The following B3GNT9 variants were observed in gnomAD, a reference collection of about 807,000 sequenced individuals.
The protein encoded by B3GNT9 is UDP-GlcNAc:betaGal beta-1,3-N-acetylglucosaminyltransferase 9, also known as BGnT-9.
For missense variants in B3GNT9, 669 were observed against 599.2 expected, an observed-to-expected ratio of 1.12 and a Z score of -1.22; for synonymous variants, 359 against 283.9, an observed-to-expected ratio of 1.26 and a Z score of -2.66.
In B3GNT9 at chr16:67,150,418, A is replaced by C; in HGVS notation, c.68T>G (p.Leu23Arg). The change falls in exon 2 of 2, where the codon CTC becomes CGC. Residue 23 changes from leucine to arginine, a missense_variant. Leu to Arg is a moderately radical substitution (Grantham distance 102). Transcript: ENST00000449549. ...LTLLLGASLG[L>R]LLYAQRDGAA... ...GCCGTCGCGCTGCGCATAGAGTAAGAGGCCCAGGGAGGCGCCAAGGAGCAG... is the reference window on the plus strand; with the variant it reads ...GCCGTCGCGCTGCGCATAGAGTAAGCGGCCCAGGGAGGCGCCAAGGAGCAG... The C allele has an allele frequency of 1.6e-5, 22 of 1,357,908 alleles. No individual in the cohort carries two copies. The highest frequency in any genetic ancestry group is 2.1e-5 in the Non-Finnish European group (22 of 1,058,322). 84.1% of individuals were successfully genotyped at this position (1,357,908 alleles called of 1,614,324 possible). A position where few individuals can be genotyped will look rare whatever the true frequency, so the allele number is the denominator to read the frequency against.
chr16:67,150,762 T>A, intron 1 of B3GNT9, 91 bp from the exon 2 acceptor site: 1 of 322,690 alleles, frequency 3.1e-6, no homozygotes, highest in Non-Finnish European at 5.6e-6. Context: ...GCAGGGAGAC[T>A]GGGAGCCTCG....
Position 67,149,684 on chromosome 16 carries a change from C to G in B3GNT9, c.802G>C (p.Ala268Pro), listed in dbSNP as rs556486093. 1.9e-6 allele frequency: 3 copies of G among 1,610,980 alleles called. No homozygotes were observed. The African/African-American group carries it at 4.0e-5, about 21-fold the overall frequency. Residue 268 changes from alanine to proline, a missense_variant, in exon 2 of 2, where the codon GCT becomes CCT. Transcript: ENST00000449549. Reference sequence around the variant, plus strand: ...GCCTCGGGGATGTAGTACTTGCTAGCCCGCGTGCGGATGGGCCGCGCATGC... The same window carrying G: ...GCCTCGGGGATGTAGTACTTGCTAGGCCGCGTGCGGATGGGCCGCGCATGC... Reference protein sequence around the residue: ...IVHARPIRTRASKYYIPEAVY... With the variant: ...IVHARPIRTRPSKYYIPEAVY...
Position 67,149,243 on chromosome 16 carries a change from G to C in B3GNT9, c.*34C>G. On this transcript the variant is annotated 3_prime_UTR_variant, in exon 2 of 2. Transcript: ENST00000449549. ...ATCTGGGAAACCGGCTCCATTCTGG[G>C]TCTGAGTTAGGAGCTTGGGGCTGTA... 6.6e-7 allele frequency: 1 copy of C among 1,509,132 alleles called. No homozygotes were observed. The highest frequency in any genetic ancestry group is 2.3e-5 in the Admixed American group (1 of 43,152). The allele number at this position is 1,509,132 out of a possible 1,614,324, so 93.5% of individuals were successfully genotyped here.
Position 67,149,796 on chromosome 16 carries a change from T to G in B3GNT9, c.690A>C (p.Ala230=), listed in dbSNP as rs754052433. Reference sequence around the variant, plus strand: ...GATTTCCCACGTTCACGAACACATCTGCGTCGCCCTTAAAAACGAAGCGCA... The same window carrying G: ...GATTTCCCACGTTCACGAACACATCGGCGTCGCCCTTAAAAACGAAGCGCA... ...PDVRFVFKGD[A]DVFVNVGNLL... is the part of the protein sequence containing the mutation. Residue 230 remains alanine, a synonymous_variant, in exon 2 of 2, where the codon GCA becomes GCC. Transcript: ENST00000449549. The G allele has an allele frequency of 2.5e-6, 4 of 1,613,858 alleles. No homozygotes were observed. The highest frequency in any genetic ancestry group is 1.1e-5 in the South Asian group (1 of 91,084).
At position 67,148,107 on chromosome 16, in the gene B3GNT9, T is replaced by C. The variant is rs2030257087; in HGVS notation, c.*1170A>G. 1 of 152,688 alleles carries C rather than the reference T, an allele frequency of 6.5e-6. No homozygotes were observed. The highest frequency in any genetic ancestry group is 2.4e-5 in the African/African-American group (1 of 41,468). The allele number at this position is 152,688 out of a possible 1,614,324, so 9.5% of individuals were successfully genotyped here. A position where few individuals can be genotyped will look rare whatever the true frequency, so the allele number is the denominator to read the frequency against. Reference sequence around the variant, plus strand: ...AAGAACTGAGAAGAAAAATGTATAATTTTATCCCATTTTTAATATTTTGGT... The same window carrying C: ...AAGAACTGAGAAGAAAAATGTATAACTTTATCCCATTTTTAATATTTTGGT... On this transcript the variant is annotated 3_prime_UTR_variant, in exon 2 of 2. Transcript: ENST00000449549.
chr16:67,149,802 G>C lies in B3GNT9; in HGVS notation c.684C>G (p.Gly228=), dbSNP rs1464673130. 2 of 1,613,890 alleles carry C rather than the reference G, an allele frequency of 1.2e-6. No homozygotes were observed. Among genetic ancestry groups the C allele is most frequent in the East Asian group, 2.2e-5 (1 of 44,872 alleles). Residue 228 remains glycine, a synonymous_variant, in exon 2 of 2, where the codon GGC becomes GGG. Coordinates refer to ENST00000449549, the MANE Select transcript of B3GNT9 (RefSeq NM_033309.3). The stretch of plus-strand genomic sequence containing the variant: ...CCACGTTCACGAACACATCTGCGTC[G>C]CCCTTAAAAACGAAGCGCACGTCGG... ...FCPDVRFVFK[G]DADVFVNVGN...
rs1255176670 is a variant in B3GNT9 at position 67,149,660 on chromosome 16, C to T, written c.826G>A (p.Ala276Thr). 3.7e-6 allele frequency: 6 copies of T among 1,605,024 alleles called. No homozygotes were observed. The highest frequency in any genetic ancestry group is 2.6e-6 in the Non-Finnish European group (3 of 1,176,022). The change falls in exon 2 of 2, where the codon GCC becomes ACC. Residue 276 changes from alanine to threonine, a missense_variant. Coordinates refer to ENST00000449549, the MANE Select transcript of B3GNT9 (RefSeq NM_033309.3). ...GGATAGGCGGGCAGGCCGTACACGG[C>T]CTCGGGGATGTAGTACTTGCTAGCC... ...TRASKYYIPE[A>T]VYGLPAYPAY...
Position 67,150,624 on chromosome 16 carries a change from G to C in B3GNT9, c.-139C>G. 2 of 644,584 alleles carry C rather than the reference G, an allele frequency of 3.1e-6. No homozygotes were observed. Among genetic ancestry groups the C allele is most frequent in the Non-Finnish European group, 4.4e-6 (2 of 450,588 alleles). The allele number at this position is 644,584 out of a possible 1,614,324, so 39.9% of individuals were successfully genotyped here. On this transcript the variant is annotated 5_prime_UTR_variant, in exon 2 of 2. Transcript: ENST00000449549. ...CCAGCGACCGACGGTTGAGCCCCTTGCGTTGTTCTCCTCCTCCCGGCCGTG... is the reference window on the plus strand; with the variant it reads ...CCAGCGACCGACGGTTGAGCCCCTTCCGTTGTTCTCCTCCTCCCGGCCGTG...
rs1045738981 is a variant in B3GNT9, at chr16:67,150,536, A to T, written c.-51T>A. On this transcript the variant is annotated 5_prime_UTR_variant, in exon 2 of 2. Coordinates refer to ENST00000449549, the MANE Select transcript of B3GNT9 (RefSeq NM_033309.3). ...CCCTGTAAGGGTCGCAGTCGGCAGC[A>T]GGGGGCAGCGAGCCCCGCCCTCCCC... 1.6e-6 allele frequency: 2 copies of T among 1,248,118 alleles called. No homozygotes were observed. Among genetic ancestry groups the T allele is most frequent in the Non-Finnish European group, 2.0e-6 (2 of 995,580 alleles). 77.3% of individuals were successfully genotyped at this position (1,248,118 alleles called of 1,614,324 possible).
chr16:67,150,454 G>A lies in B3GNT9; in HGVS notation c.32C>T (p.Ala11Val). Reference sequence around the variant, plus strand: ...GGCGCCAAGGAGCAGCGTGAGCAATGCGTCCCTGCGTAGGCGCAGCCTCCT... The same window carrying A: ...GGCGCCAAGGAGCAGCGTGAGCAATACGTCCCTGCGTAGGCGCAGCCTCCT... Reference protein sequence around the residue: MRRRLRLRRDALLTLLLGASL... With the variant: MRRRLRLRRDVLLTLLLGASL... Residue 11 changes from alanine to valine, a missense_variant, in exon 2 of 2, where the codon GCA becomes GTA. Coordinates refer to ENST00000449549, the MANE Select transcript of B3GNT9 (RefSeq NM_033309.3). 6.7e-6 allele frequency: 9 copies of A among 1,335,638 alleles called. No individual in the cohort carries two copies. The highest frequency in any genetic ancestry group is 8.6e-6 in the Non-Finnish European group (9 of 1,045,580). The allele number at this position is 1,335,638 out of a possible 1,614,324, so 82.7% of individuals were successfully genotyped here.
chr16:67,150,383 T>C lies in B3GNT9; in HGVS notation c.103A>G (p.Thr35Ala). ...CCTCGCCCTCGCGGCGCGCTCGCCG[T>C]CGGGGCCGCGCCGTCGCGCTGCGCA... ...LYAQRDGAAP[T>A]ASAPRGRGRA... is the part of the protein sequence containing the mutation. Residue 35 changes from threonine (T) to alanine (A), a missense_variant, in exon 2 of 2, where the codon ACG becomes GCG. Physicochemically the swap from Thr to Ala is moderately conservative, Grantham distance 58. Coordinates refer to ENST00000449549, the MANE Select transcript of B3GNT9 (RefSeq NM_033309.3). 7.4e-7 allele frequency: 1 copy of C among 1,346,380 alleles called. No homozygotes were observed. Among genetic ancestry groups the C allele is most frequent in the Non-Finnish European group, 9.5e-7 (1 of 1,050,090 alleles). The allele number at this position is 1,346,380 out of a possible 1,614,324, so 83.4% of individuals were successfully genotyped here. A position where few individuals can be genotyped will look rare whatever the true frequency, so the allele number is the denominator to read the frequency against.
Position 67,149,303 on chromosome 16 carries a change from C to T in B3GNT9, c.1183G>A (p.Ala395Thr). 2 of 1,560,468 alleles carry T rather than the reference C, an allele frequency of 1.3e-6. No homozygotes were observed. Among genetic ancestry groups the T allele is most frequent in the Non-Finnish European group, 1.7e-6 (2 of 1,152,010 alleles). The change falls in exon 2 of 2, where the codon GCA (alanine) becomes ACA (threonine). Residue 395 changes from alanine to threonine, a missense_variant. Ala to Thr is a moderately conservative substitution (Grantham distance 58). Transcript: ENST00000449549. Reference protein sequence around the residue: ...PACAHPQPVAAGPFQWDS With the variant: ...PACAHPQPVATGPFQWDS ...TAGGAGTCCCATTGGAAGGGGCCTG[C>T]AGCGACAGGCTGTGGATGCGCACAG...
rs568016100 is a variant in B3GNT9 at position 67,150,083 on chromosome 16, C to A, written c.403G>T (p.Val135Leu). The A allele has an allele frequency of 4.1e-6, 6 of 1,451,538 alleles. No homozygotes were observed. The highest frequency in any genetic ancestry group is 1.5e-5 in the African/African-American group (1 of 66,758). The allele number at this position is 1,451,538 out of a possible 1,614,324, so 89.9% of individuals were successfully genotyped here. A position where few individuals can be genotyped will look rare whatever the true frequency, so the allele number is the denominator to read the frequency against. The change falls in exon 2 of 2, where the codon GTG (valine) becomes TTG (leucine). Residue 135 changes from valine to leucine, a missense_variant. Transcript: ENST00000449549. Reference protein sequence around the residue: ...VAEDFERRQAVRQTWGAEGRV... With the variant: ...VAEDFERRQALRQTWGAEGRV... ...CCCTCCGCGCCCCACGTCTGGCGCA[C>A]GGCTTGGCGCCGCTCGAAGTCCTCT...
chr16:67,148,541 G>T lies in B3GNT9; in HGVS notation c.*736C>A, dbSNP rs569634173. On this transcript the variant is annotated 3_prime_UTR_variant, in exon 2 of 2. Transcript: ENST00000449549. ...CTGTTGCTGGGATGTTTGTATTAAG[G>T]TAAGTGTGGGTATTGGTTTTTTGAG... 1 of 152,156 alleles carries T rather than the reference G, an allele frequency of 6.6e-6. No individual in the cohort carries two copies. The highest frequency in any genetic ancestry group is 1.5e-5 in the Non-Finnish European group (1 of 68,002). The allele number at this position is 152,156 out of a possible 1,614,324, so 9.4% of individuals were successfully genotyped here.
In B3GNT9 at chr16:67,150,438, G is replaced by A; in HGVS notation, c.48C>T (p.Leu16=). Residue 16 remains leucine (L), a synonymous_variant, in exon 2 of 2, where the codon CTC becomes CTT. Coordinates refer to ENST00000449549, the MANE Select transcript of B3GNT9 (RefSeq NM_033309.3). ...RLRRDALLTL[L]LGASLGLLLY... is the part of the protein sequence containing the mutation. ...GTAAGAGGCCCAGGGAGGCGCCAAG[G>A]AGCAGCGTGAGCAATGCGTCCCTGC... is the stretch of plus-strand genomic sequence containing the variant. 1 of 1,347,764 alleles carries A rather than the reference G, an allele frequency of 7.4e-7. No individual in the cohort carries two copies. The highest frequency in any genetic ancestry group is 9.5e-7 in the Non-Finnish European group (1 of 1,052,884). The allele number at this position is 1,347,764 out of a possible 1,614,324, so 83.5% of individuals were successfully genotyped here. A position where few individuals can be genotyped will look rare whatever the true frequency, so the allele number is the denominator to read the frequency against.
Position 67,149,910 on chromosome 16 carries a change from G to A in B3GNT9, c.576C>T (p.Ile192=). Residue 192 remains isoleucine, a synonymous_variant, in exon 2 of 2, where the codon ATC becomes ATT. Coordinates refer to ENST00000449549, the MANE Select transcript of B3GNT9 (RefSeq NM_033309.3). ...LRAESLAYAD[I]LLWAFDDTFF... ...AGGTGTCGTCGAAGGCCCAGAGCAGGATGTCCGCATACGCAAGGCTCTCGG... is the reference window on the plus strand; with the variant it reads ...AGGTGTCGTCGAAGGCCCAGAGCAGAATGTCCGCATACGCAAGGCTCTCGG... 6.2e-7 allele frequency: 1 copy of A among 1,605,786 alleles called. No individual in the cohort carries two copies. Among genetic ancestry groups the A allele is most frequent in the Admixed American group, 1.7e-5 (1 of 58,512 alleles).
rs773719895 is a variant in B3GNT9, at chr16:67,149,898, G to A, written c.588C>T (p.Ala196=). 8.7e-6 allele frequency: 14 copies of A among 1,608,914 alleles called. No individual in the cohort carries two copies. Among genetic ancestry groups the A allele is most frequent in the East Asian group, 6.7e-5 (3 of 44,582 alleles). ...SLAYADILLW[A]FDDTFFNLTL... ...TTAGGTTAAAAAAGGTGTCGTCGAAGGCCCAGAGCAGGATGTCCGCATACG... is the reference window on the plus strand; with the variant it reads ...TTAGGTTAAAAAAGGTGTCGTCGAAAGCCCAGAGCAGGATGTCCGCATACG... The change falls in exon 2 of 2, where the codon GCC becomes GCT. Residue 196 remains alanine, a synonymous_variant. Transcript: ENST00000449549.
chr16:67,150,487 T>C lies in B3GNT9; in HGVS notation c.-2A>G. On this transcript the variant is annotated 5_prime_UTR_variant, in exon 2 of 2. Transcript: ENST00000449549. ...GCGTAGGCGCAGCCTCCTCCTCATCTCCGCGCGGCCTGCGCCCTCCCTCCC... is the reference window on the plus strand; with the variant it reads ...GCGTAGGCGCAGCCTCCTCCTCATCCCCGCGCGGCCTGCGCCCTCCCTCCC... 7.7e-7 allele frequency: 1 copy of C among 1,302,770 alleles called. No individual in the cohort carries two copies. The highest frequency in any genetic ancestry group is 9.7e-7 in the Non-Finnish European group (1 of 1,027,072). The allele number at this position is 1,302,770 out of a possible 1,614,324, so 80.7% of individuals were successfully genotyped here.
At position 67,150,349 on chromosome 16, in the gene B3GNT9, G is replaced by A. The variant is rs1393364030; in HGVS notation, c.137C>T (p.Ala46Val). The A allele has an allele frequency of 7.3e-6, 10 of 1,364,604 alleles. No homozygotes were observed. In the South Asian group the frequency reaches 1.5e-4, roughly 21 times the overall value. 84.5% of individuals were successfully genotyped at this position (1,364,604 alleles called of 1,614,324 possible). A position where few individuals can be genotyped will look rare whatever the true frequency, so the allele number is the denominator to read the frequency against. Residue 46 changes from alanine (A) to valine (V), a missense_variant, in exon 2 of 2, where the codon GCA becomes GTA. Coordinates refer to ENST00000449549, the MANE Select transcript of B3GNT9 (RefSeq NM_033309.3). ...GCGGGGTCCGGGGGTGGGCCTCGGT[G>A]CCGCCCTCCCTCGCCCTCGCGGCGC... is the stretch of plus-strand genomic sequence containing the variant. ...ASAPRGRGRA[A>V]PRPTPGPRAF...
Sources: allele counts gnomAD v4.1 joint callset, GRCh38; gene constraint gnomAD v4.1.1; transcripts MANE v1.5; gene names NCBI Gene and HGNC (gene_info 2026-07-23, HGNC 2026-07-21).